The following THSD4 variants were observed in gnomAD, a reference collection of about 807,000 sequenced individuals.
The protein encoded by THSD4 is thrombospondin type 1 domain containing 4.
In THSD4, 69 loss-of-function variants were observed where a neutral mutation model predicts 119.0. The ratio of observed to expected loss-of-function variants is 0.58; its 90% CI spans 0.48 to 0.71. The LOEUF (loss-of-function observed/expected upper bound fraction) is 0.71, where lower values mean the gene tolerates loss of function less well. Among genes scored for constraint, THSD4 ranks in the 30% least tolerant of loss-of-function variants. The pLI, the probability that THSD4 is intolerant of heterozygous loss-of-function variation, is 0.00. For synonymous variants in THSD4, 524 were observed against 540.4 expected (o/e 0.97, Z 0.42); for missense variants, 1,393 against 1,391.1 (o/e 1.00, Z -0.02).
At chr15:71,260,742 C>A (rs2044384913) in intron 6 of THSD4, among the ~76,000 whole-genome samples, 1 of 152,070 alleles carries the variant, frequency 6.6e-6, no homozygotes, top group Non-Finnish European at 1.5e-5. Flanking sequence ...AGCTTGCAAT[C>A]ATACTGGGAG....
intron 7 of THSD4, among the ~76,000 whole-genome samples, chr15:71,453,903 T>C (rs532495964): frequency 2.0e-5 from 3 of 152,238 alleles, no homozygotes; most frequent in Non-Finnish European, 4.4e-5. Context: ...GTTTCCATGG[T>C]GGGGGCATGC....
chr15:71,315,800 G>A (rs1435173647), intron 6 of THSD4, among the ~76,000 whole-genome samples: 3 of 152,170 alleles, frequency 2.0e-5, no homozygotes, highest in Non-Finnish European at 2.9e-5. Flanking sequence ...TCAGTTTCAG[G>A]AGGTGGAGAG....
Position 71,565,051 on chromosome 15 carries a change from A to G in THSD4, c.1153-95479A>G, listed in dbSNP as rs978918723. On this transcript the variant is annotated intron_variant, in intron 7 of 17. Coordinates refer to ENST00000261862, the MANE Select transcript of THSD4 (RefSeq NM_024817.3). ...AAAGAGAACAAAAAACAACAACCAA[A>G]AGAACACCTTAGGTTTTTAAGCCTT... Among the ~76,000 whole-genome samples, 47 of 152,154 alleles carry G rather than the reference A, an allele frequency of 3.1e-4. 1 individual carries two copies. The highest frequency in any genetic ancestry group is 1.1e-3 in the African/African-American group (46 of 41,444).
chr15:71,245,935 C>T (rs2044195900), intron 5 of THSD4, among the ~76,000 whole-genome samples: 1 of 152,038 alleles, frequency 6.6e-6, no homozygotes, highest in Admixed American at 6.6e-5. Context: ...TTATATACTC[C>T]CCAGATGGAC....
At chr15:71,410,228 G>T (rs557788905) in intron 6 of THSD4, among the ~76,000 whole-genome samples, 3 of 152,092 alleles carry the variant, frequency 2.0e-5, no homozygotes, top group Admixed American at 6.6e-5. Context: ...TTTACTATGC[G>T]CCAAGCTCTG....
At chr15:71,114,579 G>C (rs1407275421), upstream of THSD4, among the ~76,000 whole-genome samples, 1 of 152,104 alleles carries the variant, frequency 6.6e-6, no homozygotes, top group Non-Finnish European at 1.5e-5. Flanking sequence ...TAAAGAATTT[G>C]GCTCTGAATT....
chr15:71,541,112 T>C (rs1197162360), intron 7 of THSD4, among the ~76,000 whole-genome samples: 1 of 152,248 alleles, frequency 6.6e-6, no homozygotes, highest in Non-Finnish European at 1.5e-5. Context: ...TGTCCACCAG[T>C]GTGGCTATTT....
Position 71,737,775 on chromosome 15 carries a change from G to A in THSD4, c.1674G>A (p.Gln558=), listed in dbSNP as rs2053144305. ...AGATGGTGACAGAAGGCAGGAGCCAGGAGGAGGGAGAACAGAAAGGGAGGA... is the reference window on the plus strand; with the variant it reads ...AGATGGTGACAGAAGGCAGGAGCCAAGAGGAGGGAGAACAGAAAGGGAGGA... The part of the protein sequence containing the change: ...NGQMVTEGRS[Q]EEGEQKGRNE... The change falls in exon 11 of 18, where the codon CAG becomes CAA. Residue 558 remains glutamine (Q), a synonymous_variant. Transcript: ENST00000261862. The A allele has an allele frequency of 1.2e-6, 2 of 1,613,978 alleles. No homozygotes were observed. Among genetic ancestry groups the A allele is most frequent in the Non-Finnish European group, 8.5e-7 (1 of 1,179,856 alleles).
At chr15:71,214,361 G>A (rs2043912510) in intron 3 of THSD4, among the ~76,000 whole-genome samples, 1 of 152,166 alleles carries the variant, frequency 6.6e-6, no homozygotes, top group African/African-American at 2.4e-5. Flanking sequence ...TCTTGCTGTT[G>A]CTCACTGTTT....
intron 6 of THSD4, among the ~76,000 whole-genome samples, chr15:71,280,340 T>C (rs2044637106): frequency 6.6e-6 from 1 of 151,688 alleles, no homozygotes; most frequent in Non-Finnish European, 1.5e-5. Context: ...CAGTGAGGAG[T>C]TATTGGGGTT....
intron 8 of THSD4, among the ~76,000 whole-genome samples, chr15:71,706,784 AC>A (rs2052401402): frequency 6.6e-6 from 1 of 152,202 alleles, no homozygotes; most frequent in African/African-American, 2.4e-5. Flanking sequence ...ATCTCGCATG[AC>A]CTTTGCAGGT....
rs1359550017 is a variant in THSD4, at chr15:71,781,506, T to C, written c.*4132T>C. 6.6e-6 allele frequency: 1 copy of C among 152,312 alleles called. No individual in the cohort carries two copies. Among genetic ancestry groups the C allele is most frequent in the African/African-American group, 2.4e-5 (1 of 41,454 alleles). 9.4% of individuals were successfully genotyped at this position (152,312 alleles called of 1,614,324 possible). ...TAAGAAGAAAACCGATCATCTATAA[T>C]AACATCAGTTTATCAATGCCCCGTC... On this transcript the variant is annotated 3_prime_UTR_variant, in exon 18 of 18. Coordinates refer to ENST00000261862, the MANE Select transcript of THSD4 (RefSeq NM_024817.3).
chr15:71,288,167 G>A (rs2068039), intron 6 of THSD4, among the ~76,000 whole-genome samples: 3 of 151,988 alleles, frequency 2.0e-5, no homozygotes, highest in African/African-American at 7.2e-5. Context: ...AATTTGATTC[G>A]GCCTTTAGAT....
intron 1 of THSD4, among the ~76,000 whole-genome samples, chr15:71,098,476 C>T (rs2040241187): frequency 6.6e-6 from 1 of 152,068 alleles, no homozygotes; most frequent in African/African-American, 2.4e-5. Context: ...ATTGTCCAGG[C>T]TGGTCTTAAA....
At chr15:71,152,567 G>A (rs1374804072) in intron 2 of THSD4, among the ~76,000 whole-genome samples, 1 of 152,174 alleles carries the variant, frequency 6.6e-6, no homozygotes, top group African/African-American at 2.4e-5. Flanking sequence ...AGGCGGCTTG[G>A]TTGGTTCCTT....
intron 7 of THSD4, among the ~76,000 whole-genome samples, chr15:71,496,410 A>G (rs1316863154): frequency 6.6e-6 from 1 of 152,168 alleles, no homozygotes; most frequent in East Asian, 1.9e-4. Flanking sequence ...TTCACTTGAA[A>G]GAAGTCTGCG....
chr15:71,293,998 A>G (rs1414565806), intron 6 of THSD4, among the ~76,000 whole-genome samples: 1 of 151,212 alleles, frequency 6.6e-6, no homozygotes, highest in East Asian at 2.0e-4. Flanking sequence ...GTTTGCTAGT[A>G]TTGTTTTAGA....
At chr15:71,455,312 GCATGGAAGGTGATA>G (rs1337808360) in intron 7 of THSD4, among the ~76,000 whole-genome samples, 1 of 152,178 alleles carries the variant, frequency 6.6e-6, no homozygotes, top group African/African-American at 2.4e-5. Context: ...GTGTCAGGTT[GCATGGAAGGTGATA>G]TTACAGGGCT....
intron 8 of THSD4, among the ~76,000 whole-genome samples, chr15:71,703,306 T>C (rs939577237): frequency 6.6e-5 from 10 of 152,238 alleles, no homozygotes; most frequent in Non-Finnish European, 7.3e-5. Context: ...TATCTCATCA[T>C]GTAGACCCAG....
Sources: allele counts gnomAD v4.1 joint callset (sites outside exome capture counted in the v4.1 genomes callset), GRCh38; gene constraint gnomAD v4.1.1; transcripts MANE v1.5; gene names NCBI Gene and HGNC (gene_info 2026-07-23, HGNC 2026-07-21).